Variants in GRIP1 observed in about 807,000 individuals in gnomAD.
GRIP1 encodes glutamate receptor interacting protein 1.
GRIP1 carries 45 observed loss-of-function variants against 129.9 expected under a neutral mutation model. The observed-to-expected ratio is 0.35, with a 90% CI of 0.27 to 0.44. GRIP1 has a LOEUF of 0.44. Among genes scored for constraint, GRIP1 ranks in the 20% least tolerant of loss-of-function variants. GRIP1 has a pLI of 1.00. For synonymous variants in GRIP1, 530 were observed against 520.8 expected, an observed-to-expected ratio of 1.02 and a Z score of -0.24; for missense variants, 1,196 against 1,396.8, an observed-to-expected ratio of 0.86 and a Z score of 2.29.
intron 1 of GRIP1, among the ~76,000 whole-genome samples, chr12:66,902,442 C>A (rs1566071482): frequency 6.6e-6 from 1 of 152,092 alleles, no homozygotes; most frequent in Non-Finnish European, 1.5e-5. Flanking sequence ...TGGGATGGTG[C>A]AGAAGTATGT....
intron 23 of GRIP1, among the ~76,000 whole-genome samples, chr12:66,366,504 G>A (rs2055154044): frequency 6.6e-6 from 1 of 152,194 alleles, no homozygotes; most frequent in African/African-American, 2.4e-5. Flanking sequence ...GGTTACTTGT[G>A]AGTGACTGAA....
intron 2 of GRIP1, among the ~76,000 whole-genome samples, chr12:66,556,079 A>G (rs1014988316): frequency 6.6e-6 from 1 of 152,158 alleles, no homozygotes; most frequent in Admixed American, 6.5e-5. Flanking sequence ...AAAAGGTTAT[A>G]GAACACCAAA....
chr12:66,983,093 T>G (rs890256361), intron 1 of GRIP1, among the ~76,000 whole-genome samples: 2 of 152,184 alleles, frequency 1.3e-5, no homozygotes, highest in Non-Finnish European at 2.9e-5. Context: ...CTTATATCCA[T>G]GAGCACAAAA....
chr12:66,410,078 G>A (rs1405346330), intron 15 of GRIP1, among the ~76,000 whole-genome samples: 203 of 149,662 alleles, frequency 1.4e-3, no homozygotes, highest in Non-Finnish European at 2.3e-3. Context: ...GTGAAACCCC[G>A]TCTCTACTAA....
chr12:67,003,400 T>C (rs1233927002), intron 1 of GRIP1, among the ~76,000 whole-genome samples: 1 of 152,188 alleles, frequency 6.6e-6, no homozygotes. Flanking sequence ...ATCTTAAAAA[T>C]GATCATTCTG....
At chr12:66,476,850 A>G (rs763118480) in intron 7 of GRIP1, among the ~76,000 whole-genome samples, 5 of 152,214 alleles carry the variant, frequency 3.3e-5, no homozygotes, top group African/African-American at 4.8e-5. Context: ...AAAACTCTCA[A>G]CAAATTAGGT....
intron 16 of GRIP1, among the ~76,000 whole-genome samples, chr12:66,396,603 C>T (rs1415405995): frequency 2.0e-5 from 3 of 152,142 alleles, no homozygotes; most frequent in Non-Finnish European, 4.4e-5. Context: ...TCTGAGTCCT[C>T]ACTGACTAGA....
intron 1 of GRIP1, among the ~76,000 whole-genome samples, chr12:66,733,790 C>G (rs2036512793): frequency 6.6e-6 from 1 of 152,080 alleles, no homozygotes. Flanking sequence ...AGTAAGACAG[C>G]CTTCTTCAAA....
At chr12:66,410,281 A>G (rs1284380301) in intron 15 of GRIP1, among the ~76,000 whole-genome samples, 1 of 147,876 alleles carries the variant, frequency 6.8e-6, no homozygotes, top group Non-Finnish European at 1.5e-5. Flanking sequence ...AGAAGAGATA[A>G]TTAGTAAGCT....
intron 1 of GRIP1, among the ~76,000 whole-genome samples, chr12:67,053,611 G>A (rs551324779): frequency 8.8e-4 from 134 of 152,018 alleles, no homozygotes; most frequent in Middle Eastern, 3.4e-3. Context: ...AGGCTGAGGC[G>A]GGTATATCAC....
chr12:66,363,200 CATATATATATAT>C (rs35452357), intron 23 of GRIP1, among the ~76,000 whole-genome samples: 3 of 88,254 alleles, frequency 3.4e-5, no homozygotes, highest in East Asian at 3.3e-4. Context: ...TGTGTGTGTC[CATATATATATAT>C]ATATATATAT....
intron 1 of GRIP1, among the ~76,000 whole-genome samples, chr12:66,977,708 G>A (rs1292586600): frequency 6.7e-6 from 1 of 150,344 alleles, no homozygotes; most frequent in African/African-American, 2.5e-5. Context: ...TTATGTTGTT[G>A]CACGTAAGAA....
chr12:66,468,577 T>C lies in GRIP1; in HGVS notation c.725-3155A>G, dbSNP rs139024462. Among the ~76,000 whole-genome samples the C allele has an allele frequency of 2.4e-3, 362 of 152,252 alleles. 1 individual carries two copies. Among genetic ancestry groups the C allele is most frequent in the African/African-American group, 7.4e-3 (306 of 41,546 alleles). ...ACCATTACCCAATACTCAAACAAAG[T>C]ATTCATTTTTCTAAAAAGTACTAAA... On this transcript the variant is annotated intron_variant, in intron 7 of 24. Transcript: ENST00000359742.
upstream of GRIP1, chr12:66,804,272 C>T: frequency 2.8e-6 from 1 of 361,598 alleles, no homozygotes; most frequent in African/African-American, 2.1e-5. Context: ...GCATGAATGA[C>T]CAATACCAAA....
Position 67,062,927 on chromosome 12 carries a change from A to T in GRIP1, c.58+6123T>A, listed in dbSNP as rs555232594. 8.9e-4 allele frequency among the ~76,000 whole-genome samples: 136 copies of T among 152,336 alleles called. 2 individuals carry two copies. Among genetic ancestry groups the T allele is most frequent in the East Asian group, 2.5e-3 (13 of 5,192 alleles). The stretch of plus-strand genomic sequence containing the variant: ...GGTTCTTAAAGAATAAAAATTATTG[A>T]TTGATTGTTTCATCATCAGGATATC... On this transcript the variant is annotated intron_variant, in intron 1 of 1. Transcript: ENST00000643019.
At chr12:66,652,693 T>A (rs1405645934) in intron 1 of GRIP1, among the ~76,000 whole-genome samples, 1 of 152,212 alleles carries the variant, frequency 6.6e-6, no homozygotes. Flanking sequence ...AGAAAGCATT[T>A]CCCTGCTGAT....
intron 1 of GRIP1, among the ~76,000 whole-genome samples, chr12:67,061,411 G>A (rs2043534312): frequency 6.6e-6 from 1 of 152,216 alleles, no homozygotes; most frequent in Non-Finnish European, 1.5e-5. Flanking sequence ...AAGATGGTCG[G>A]TCTATACCTA....
At chr12:66,914,622 G>A (rs2041088850) in intron 1 of GRIP1, among the ~76,000 whole-genome samples, 1 of 152,154 alleles carries the variant, frequency 6.6e-6, no homozygotes, top group African/African-American at 2.4e-5. Context: ...ATACATTTGA[G>A]TCTACTTTAA....
chr12:66,376,945 T>G, intron 22 of GRIP1, 72 bp downstream of exon 22: 1 of 1,013,148 alleles, frequency 9.9e-7, no homozygotes, highest in Non-Finnish European at 1.6e-6. Context: ...TAAAATCAAA[T>G]TGCTGTCCAG....
Sources: gnomAD v4.1 joint callset for allele counts (sites outside exome capture counted in the v4.1 genomes callset) on GRCh38, gnomAD v4.1.1 for gene constraint, MANE v1.5 for transcripts, NCBI Gene and HGNC (gene_info 2026-07-23, HGNC 2026-07-21) for gene names.